The following CYTIP variants were observed in gnomAD, a reference collection of about 807,000 sequenced individuals.
CYTIP encodes the protein cytohesin 1 interacting protein, also known as cytohesin-interacting protein.
In CYTIP, 26 loss-of-function variants were observed where a neutral mutation model predicts 43.8. The observed-to-expected ratio is 0.59, with a 90% CI of 0.44 to 0.82. The LOEUF is 0.82. CYTIP is among the 40% of genes least tolerant of loss of function. The pLI is 0.00. For synonymous variants in CYTIP, 162 were observed against 162.9 expected (o/e 0.99, Z 0.04); for missense variants, 426 against 443.1 (o/e 0.96, Z 0.35).
intron 6 of CYTIP, among the ~76,000 whole-genome samples, chr2:157,422,670 C>CAAAAA (rs967207257): frequency 9.3e-5 from 6 of 64,548 alleles, no homozygotes; most frequent in African/African-American, 3.7e-4. Flanking sequence ...AACTCTGTCT[C>CAAAAA]AAAAAAAAAA....
At chr2:157,425,832 T>C (rs1028842741) in intron 6 of CYTIP, among the ~76,000 whole-genome samples, 7 of 152,100 alleles carry the variant, frequency 4.6e-5, no homozygotes, top group African/African-American at 1.2e-4. Flanking sequence ...TTACCCCTCA[T>C]AAAAATGTAG....
At position 157,434,839 on chromosome 2, in the gene CYTIP, TCTCTCTCTCTCACACACACA is replaced by T. The variant is rs1432755352; in HGVS notation, c.175-112_175-93del. 2.8e-5 allele frequency: 13 copies of T among 471,006 alleles called. 1 individual carries two copies. Among genetic ancestry groups the T allele is most frequent in the East Asian group, 2.3e-4 (5 of 21,534 alleles). The allele number at this position is 471,006 out of a possible 1,614,324, so 29.2% of individuals were successfully genotyped here. A position where few individuals can be genotyped will look rare whatever the true frequency, so the allele number is the denominator to read the frequency against. On this transcript the variant is annotated intron_variant, in intron 1 of 7. Coordinates refer to ENST00000264192, the MANE Select transcript of CYTIP (RefSeq NM_004288.5). Reference sequence around the variant, plus strand: ...CTCTCTCTCTCTCTCTCTCTCTCTCTCTCTCTCTCTCACACACACACACACACACACACACACACACACAC... The same window carrying T: ...CTCTCTCTCTCTCTCTCTCTCTCTCTCACACACACACACACACACACACAC...
intron 2 of CYTIP, 110 bp from the exon 3 acceptor site, chr2:157,434,534 G>C (rs768005033): frequency 2.0e-6 from 2 of 980,846 alleles, no homozygotes; most frequent in Non-Finnish European, 3.2e-6. Flanking sequence ...TGACATTTAT[G>C]TAAATTGTAG....
intron 1 of CYTIP, among the ~76,000 whole-genome samples, chr2:157,441,136 C>G (rs1685906259): frequency 6.6e-6 from 1 of 152,110 alleles, no homozygotes; most frequent in South Asian, 2.1e-4. Context: ...TTTGCAGAAA[C>G]CAAAGCCAAC....
At chr2:157,437,788 AT>A (rs1157850405) in intron 1 of CYTIP, among the ~76,000 whole-genome samples, 1 of 152,114 alleles carries the variant, frequency 6.6e-6, no homozygotes, top group Non-Finnish European at 1.5e-5. Context: ...AATATCACTC[AT>A]CATTGGGGTA....
chr2:157,443,359 TCCAATAG>T lies in CYTIP; in HGVS notation c.174+481_174+487del, dbSNP rs571248131. 2.1e-3 allele frequency among the ~76,000 whole-genome samples: 317 copies of T among 152,250 alleles called. 1 individual carries two copies. The highest frequency in any genetic ancestry group is 7.3e-3 in the African/African-American group (305 of 41,548). On this transcript the variant is annotated intron_variant, in intron 1 of 7. Transcript: ENST00000264192. ...TATCCAAAAAAAAAAAATCTTACTT[TCCAATAG>T]CCTGAGGTATGTGCCAGCAACCCAG... is the stretch of plus-strand genomic sequence containing the variant.
At chr2:157,422,618 C>T (rs181085454) in intron 6 of CYTIP, among the ~76,000 whole-genome samples, 511 of 147,588 alleles carry the variant, frequency 3.5e-3, no homozygotes, top group Middle Eastern at 0.018. Flanking sequence ...TGCAGTGAGC[C>T]GAGATCATGC....
chr2:157,426,293 T>G (rs1685606354), intron 6 of CYTIP, among the ~76,000 whole-genome samples: 1 of 152,210 alleles, frequency 6.6e-6, no homozygotes, highest in Non-Finnish European at 1.5e-5. Context: ...CATAAAGATT[T>G]TAATTGCTCT....
intron 2 of CYTIP, 103 bp from the exon 3 acceptor site, chr2:157,434,527 C>T (rs1573860856): frequency 3.8e-6 from 4 of 1,048,338 alleles, no homozygotes; most frequent in Non-Finnish European, 5.8e-6. Flanking sequence ...AAATAACTGA[C>T]ATTTATGTAA....
At chr2:157,416,612 T>G (rs943500675) in intron 7 of CYTIP, among the ~76,000 whole-genome samples, 1 of 152,192 alleles carries the variant, frequency 6.6e-6, no homozygotes, top group African/African-American at 2.4e-5. Context: ...CTTTTAAAAA[T>G]AATTCTAAAA....
At chr2:157,430,410 C>T in intron 5 of CYTIP, 149 bp downstream of exon 5, 1 of 645,448 alleles carries the variant, frequency 1.5e-6, no homozygotes, top group Non-Finnish European at 2.8e-6. Flanking sequence ...ACAAAAGGAA[C>T]TGATAATGTT....
intron 6 of CYTIP, among the ~76,000 whole-genome samples, chr2:157,425,010 A>C (rs1685581654): frequency 6.6e-6 from 1 of 152,116 alleles, no homozygotes; most frequent in African/African-American, 2.4e-5. Flanking sequence ...TTAAATTGGA[A>C]TTTTCCCCAT....
At chr2:157,423,096 AG>A (rs1668568069) in intron 6 of CYTIP, among the ~76,000 whole-genome samples, 2 of 151,782 alleles carry the variant, frequency 1.3e-5, no homozygotes, top group South Asian at 4.1e-4. Context: ...AGCTAAAGAA[AG>A]TCTTTAAACA....
At position 157,418,526 on chromosome 2, in the gene CYTIP, G is replaced by A. The variant is rs867301497; in HGVS notation, c.610C>T (p.His204Tyr). Reference sequence around the variant, plus strand: ...CTGAACAGGAAATTGCATTTACCATGAAGCAGACGATGTTCCTGTAACTGC... The same window carrying A: ...CTGAACAGGAAATTGCATTTACCATAAAGCAGACGATGTTCCTGTAACTGC... ...SLQLQEHRLL[H>Y]GDAANCPSLE... Residue 204 changes from histidine to tyrosine, a missense_variant, in exon 7 of 8, where the codon CAT becomes TAT. His to Tyr is a moderately conservative substitution (Grantham distance 83). Coordinates refer to ENST00000264192, the MANE Select transcript of CYTIP (RefSeq NM_004288.5). 6.3e-7 allele frequency: 1 copy of A among 1,590,014 alleles called. No homozygotes were observed. The highest frequency in any genetic ancestry group is 8.6e-7 in the Non-Finnish European group (1 of 1,168,894).
intron 5 of CYTIP, among the ~76,000 whole-genome samples, chr2:157,427,761 C>G (rs1015763764): frequency 6.6e-6 from 1 of 152,144 alleles, no homozygotes; most frequent in South Asian, 2.1e-4. Flanking sequence ...GGCTGAATGA[C>G]CTCACTCATT....
chr2:157,439,328 G>C (rs934301286), intron 1 of CYTIP: 1 of 152,250 alleles, frequency 6.6e-6, no homozygotes, highest in Non-Finnish European at 1.5e-5. Flanking sequence ...GCTTGTTTTT[G>C]ATCCGGGCTG....
intron 6 of CYTIP, among the ~76,000 whole-genome samples, chr2:157,420,829 C>G: frequency 6.6e-6 from 1 of 152,064 alleles, no homozygotes; most frequent in East Asian, 1.9e-4. Context: ...TTATTTCCTA[C>G]AAGAGACTAG....
At chr2:157,418,303 G>A (rs1434497809) in intron 7 of CYTIP, among the ~76,000 whole-genome samples, 1 of 152,160 alleles carries the variant, frequency 6.6e-6, no homozygotes. Context: ...CTGTGTGCAT[G>A]TGCATCTGCG....
At position 157,434,595 on chromosome 2, in the gene CYTIP, T is replaced by TCTGTGTGTGTGCGTAG. The variant is rs1553472681; in HGVS notation, c.224+102_224+103insCTACGCACACACACAG. On this transcript the variant is annotated intron_variant, in intron 2 of 7. Coordinates refer to ENST00000264192, the MANE Select transcript of CYTIP (RefSeq NM_004288.5). ...GTGTGTGTGCGTCTGTGTGTGTGCG[T>TCTGTGTGTGTGCGTAG]AGAGAGAGAGAGAGAGAGAGAGGAA... 5 of 706,072 alleles carry TCTGTGTGTGTGCGTAG rather than the reference T, an allele frequency of 7.1e-6. No individual in the cohort carries two copies. In the Admixed American group the frequency reaches 9.9e-5, roughly 14 times the overall value. The allele number at this position is 706,072 out of a possible 1,614,324, so 43.7% of individuals were successfully genotyped here.
Sources: gnomAD v4.1 joint callset for allele counts (sites outside exome capture counted in the v4.1 genomes callset) on GRCh38, gnomAD v4.1.1 for gene constraint, MANE v1.5 for transcripts, NCBI Gene and HGNC (gene_info 2026-07-23, HGNC 2026-07-21) for gene names.